The following POU2F1 variants were observed in gnomAD, a reference collection of about 807,000 sequenced individuals.
The protein encoded by POU2F1 is POU class 2 homeobox 1.
POU2F1 carries 16 observed loss-of-function variants against 84.9 expected under a neutral mutation model. The ratio of observed to expected loss-of-function variants is 0.19; its 90% CI spans 0.13 to 0.29. POU2F1 has a LOEUF of 0.29. POU2F1 is among the 10% of genes least tolerant of loss of function. The pLI is 1.00. For synonymous variants in POU2F1, 368 were observed against 368.3 expected (o/e 1.00, Z 0.01); for missense variants, 738 against 942.6 (o/e 0.78, Z 2.84).
intron 2 of POU2F1, among the ~76,000 whole-genome samples, chr1:167,346,999 A>G (rs1487878669): frequency 6.6e-6 from 1 of 152,182 alleles, no homozygotes; most frequent in Non-Finnish European, 1.5e-5. Flanking sequence ...AGTTTTCCTA[A>G]AAGATCTTTT....
intron 9 of POU2F1, among the ~76,000 whole-genome samples, chr1:167,391,559 C>CTTTTTTT (rs1175783404): frequency 1.7e-5 from 1 of 57,894 alleles, no homozygotes; most frequent in Non-Finnish European, 3.0e-5. Context: ...TTATATATAT[C>CTTTTTTT]TTTTTTTTTT....
intron 2 of POU2F1, among the ~76,000 whole-genome samples, chr1:167,336,865 C>A (rs898803248): frequency 1.1e-4 from 17 of 151,868 alleles, no homozygotes; most frequent in African/African-American, 4.8e-5. Flanking sequence ...CCTGCCTCTA[C>A]TAAAAATATA....
chr1:167,389,029 A>T (rs1648192581), intron 8 of POU2F1, among the ~76,000 whole-genome samples: 1 of 152,218 alleles, frequency 6.6e-6, no homozygotes, highest in Non-Finnish European at 1.5e-5. Flanking sequence ...AGGTTTAAAG[A>T]TATAGGTCCT....
chr1:167,367,272 A>G (rs1033805347), intron 3 of POU2F1, among the ~76,000 whole-genome samples: 3 of 152,314 alleles, frequency 2.0e-5, no homozygotes, highest in Admixed American at 1.3e-4. Context: ...TATAATATAC[A>G]TACACAAAAT....
chr1:167,374,224 A>G lies in POU2F1; in HGVS notation c.519A>G (p.Gly173=). ...HSASQQHSAA[G]ATISASAATP... ...CCAGCCAGCAGCACAGTGCTGCTGG[A>G]GCCACCATCTCCGCCTCTGCTGCCA... Residue 173 remains glycine (G), a synonymous_variant, in exon 6 of 16, where the codon GGA becomes GGG. Transcript: ENST00000367866. 1 of 1,613,878 alleles carries G rather than the reference A, an allele frequency of 6.2e-7. No individual in the cohort carries two copies. The highest frequency in any genetic ancestry group is 1.1e-5 in the South Asian group (1 of 91,060).
chr1:167,371,966 C>G lies in POU2F1; in HGVS notation c.332C>G (p.Ser111Cys), dbSNP rs775586346. The G allele has an allele frequency of 2.5e-6, 4 of 1,614,070 alleles. No individual in the cohort carries two copies. The highest frequency in any genetic ancestry group is 3.4e-6 in the Non-Finnish European group (4 of 1,180,024). ...GATTCGCAGCAGCCAAGCCAGCCTTCCCAGCAGCCTTCAGTGCAGGCAGCC... is the reference window on the plus strand; with the variant it reads ...GATTCGCAGCAGCCAAGCCAGCCTTGCCAGCAGCCTTCAGTGCAGGCAGCC... Reference protein sequence around the residue: ...SGDSQQPSQPSQQPSVQAAIP... With the variant: ...SGDSQQPSQPCQQPSVQAAIP... The change falls in exon 5 of 16, where the codon TCC becomes TGC. Residue 111 changes from serine to cysteine, a missense_variant. Physicochemically the swap from Ser to Cys is moderately radical, Grantham distance 112 (BLOSUM62 -1). Transcript: ENST00000367866.
chr1:167,227,311 T>C (rs1179689028), intron 1 of POU2F1, among the ~76,000 whole-genome samples: 1 of 152,178 alleles, frequency 6.6e-6, no homozygotes, highest in Non-Finnish European at 1.5e-5. Context: ...AGAAATGGTA[T>C]ATGAAATTAA....
intron 1 of POU2F1, among the ~76,000 whole-genome samples, chr1:167,251,792 A>G (rs1396795897): frequency 1.3e-5 from 2 of 151,994 alleles, no homozygotes; most frequent in African/African-American, 2.4e-5. Flanking sequence ...TACAGGTTTC[A>G]TAATGGATAA....
At chr1:167,402,786 G>A (rs1041750013) in intron 13 of POU2F1, among the ~76,000 whole-genome samples, 5 of 152,144 alleles carry the variant, frequency 3.3e-5, no homozygotes, top group Admixed American at 1.3e-4. Flanking sequence ...TGATTGATTG[G>A]CATTGTGTTG....
chr1:167,397,963 TTTTATTTCTG>T, intron 10 of POU2F1, 21 bp from the exon 11 acceptor site: 1 of 1,592,980 alleles, frequency 6.3e-7, no homozygotes, highest in Non-Finnish European at 8.6e-7. Context: ...GCTCAGCTAA[TTTTATTTCTG>T]TATTTTCTTC....
At chr1:167,397,133 T>C (rs1410213571) in intron 10 of POU2F1, among the ~76,000 whole-genome samples, 1 of 152,224 alleles carries the variant, frequency 6.6e-6, no homozygotes, top group Non-Finnish European at 1.5e-5. Flanking sequence ...GTTTACTGTT[T>C]CCATCTTATT....
intron 1 of POU2F1, chr1:167,329,263 A>G (rs998775793): frequency 1.3e-5 from 20 of 1,547,668 alleles, no homozygotes; most frequent in Non-Finnish European, 1.7e-5. Context: ...CTGCTCCTCT[A>G]GAAGATTTCA....
chr1:167,411,545 G>A (rs1030629604), intron 13 of POU2F1, among the ~76,000 whole-genome samples: 2 of 152,130 alleles, frequency 1.3e-5, no homozygotes, highest in African/African-American at 4.8e-5. Context: ...ATAACTTTCT[G>A]TTTTTCTTCT....
At chr1:167,328,110 G>C (rs1390853595) in intron 1 of POU2F1, among the ~76,000 whole-genome samples, 1 of 152,132 alleles carries the variant, frequency 6.6e-6, no homozygotes, top group East Asian at 1.9e-4. Context: ...AAATATACTT[G>C]AGAATACCAA....
At chr1:167,275,057 A>G (rs1164409846) in intron 1 of POU2F1, among the ~76,000 whole-genome samples, 2 of 140,010 alleles carry the variant, frequency 1.4e-5, no homozygotes, top group African/African-American at 5.5e-5. Flanking sequence ...TTTTTTTGAG[A>G]CAGGCTCTCA....
chr1:167,352,252 A>T (rs907664261), intron 2 of POU2F1, among the ~76,000 whole-genome samples: 3 of 152,212 alleles, frequency 2.0e-5, no homozygotes, highest in African/African-American at 7.2e-5. Context: ...GTTGTCCTTT[A>T]TAAAATGTAA....
At chr1:167,282,864 C>A (rs975590126) in intron 1 of POU2F1, among the ~76,000 whole-genome samples, 1 of 152,200 alleles carries the variant, frequency 6.6e-6, no homozygotes, top group African/African-American at 2.4e-5. Context: ...AAAACTTTAG[C>A]TTCACTCTGC....
At chr1:167,304,179 TAAAC>T (rs1654899457) in intron 1 of POU2F1, among the ~76,000 whole-genome samples, 2 of 152,204 alleles carry the variant, frequency 1.3e-5, no homozygotes, top group Admixed American at 1.3e-4. Context: ...TCTAAGAGAA[TAAAC>T]AAACCATAGT....
chr1:167,287,079 G>C (rs183113200), intron 1 of POU2F1, among the ~76,000 whole-genome samples: 65 of 152,294 alleles, frequency 4.3e-4, no homozygotes, highest in Non-Finnish European at 7.3e-5. Flanking sequence ...GAGGATCCCT[G>C]TATAGAGCTG....
Sources: gnomAD v4.1 joint callset for allele counts (sites outside exome capture counted in the v4.1 genomes callset) on GRCh38, gnomAD v4.1.1 for gene constraint, MANE v1.5 for transcripts, NCBI Gene and HGNC (gene_info 2026-07-23, HGNC 2026-07-21) for gene names.